MANBA: variants seen among roughly 807,000 people sequenced by gnomAD.
MANBA encodes beta-mannosidase.
In MANBA, 83 loss-of-function variants were observed where a neutral mutation model predicts 111.1. The ratio of observed to expected loss-of-function variants is 0.75; its 90% confidence interval spans 0.63 to 0.90. The LOEUF is 0.90. MANBA is among the 40% of genes least tolerant of loss of function. The pLI is 0.00. For missense variants in MANBA, 1,036 were observed against 1,069.0 expected (o/e 0.97, Z 0.43); for synonymous variants, 370 against 378.7 (o/e 0.98, Z 0.27).
rs112667441 is a variant in MANBA at position 102,743,747 on chromosome 4, T to C, written c.177+16971A>G. On this transcript the variant is annotated intron_variant, in intron 1 of 16. Coordinates refer to ENST00000647097, the MANE Select transcript of MANBA (RefSeq NM_005908.4). ...GGGTCAGAAAGCACCCACTTCATGA[T>C]AGGCAGTTCAGGTCACACAGTGACT... 8.5e-3 allele frequency among the ~76,000 whole-genome samples: 1,291 copies of C among 152,302 alleles called. 24 individuals carry two copies. The highest frequency in any genetic ancestry group is 0.029 in the African/African-American group (1,222 of 41,552).
chr4:102,672,208 G>T, intron 8 of MANBA: 1 of 397,306 alleles, frequency 2.5e-6, no homozygotes, highest in Non-Finnish European at 4.4e-6. Flanking sequence ...AAAAAATCAG[G>T]GTTTAGTTAC....
chr4:102,753,396 G>T (rs891844647), intron 1 of MANBA, among the ~76,000 whole-genome samples: 4 of 151,772 alleles, frequency 2.6e-5, no homozygotes, highest in Admixed American at 2.0e-4. Flanking sequence ...ATTTTTAAAA[G>T]AATTTTAATC....
chr4:102,700,344 G>A (rs1343114135), intron 5 of MANBA, among the ~76,000 whole-genome samples: 1 of 151,372 alleles, frequency 6.6e-6, no homozygotes, highest in African/African-American at 2.4e-5. Context: ...AGGGTTTTTT[G>A]TGTCTCTATT....
intron 4 of MANBA, among the ~76,000 whole-genome samples, chr4:102,716,512 A>G (rs1277590691): frequency 6.6e-6 from 1 of 152,102 alleles, no homozygotes; most frequent in Non-Finnish European, 1.5e-5. Context: ...ATTTTATCCA[A>G]TCTTATTTGA....
At position 102,673,688 on chromosome 4, in the gene MANBA, C is replaced by T. The variant is rs748587877; in HGVS notation, c.1112+231G>A. On this transcript the variant is annotated intron_variant, in intron 8 of 16. Coordinates refer to ENST00000647097, the MANE Select transcript of MANBA (RefSeq NM_005908.4). ...AAACATATAATAGTTTTCTAAAAAT[C>T]GAATGGCTTCAACAGTCTCAAATAG... Among the ~76,000 whole-genome samples the T allele has an allele frequency of 5.6e-4, 85 of 152,106 alleles. 3 individuals carry two copies. The highest frequency in any genetic ancestry group is 1.2e-4 in the Non-Finnish European group (8 of 68,012).
At position 102,668,911 on chromosome 4, in the gene MANBA, A is replaced by C. The variant is rs367631650; in HGVS notation, c.1317+52T>G. ...ATGAAGCAAGATTTAACAAAAGGCA[A>C]TACTAAAACATATTATTTGTTTTAT... On this transcript the variant is annotated intron_variant, in intron 10 of 16. Coordinates refer to ENST00000647097, the MANE Select transcript of MANBA (RefSeq NM_005908.4). 1.5e-5 allele frequency: 21 copies of C among 1,414,676 alleles called. No homozygotes were observed. In the African/African-American group the frequency reaches 2.8e-4, roughly 19 times the overall value. 87.6% of individuals were successfully genotyped at this position (1,414,676 alleles called of 1,614,324 possible).
intron 6 of MANBA, 62 bp downstream of exon 6, chr4:102,690,534 T>C (rs1732425506): frequency 4.0e-6 from 6 of 1,489,638 alleles, no homozygotes; most frequent in Non-Finnish European, 5.6e-6. Flanking sequence ...TCCTTTCTAA[T>C]CATTTCTTTA....
At chr4:102,697,734 C>A (rs1404643229) in intron 5 of MANBA, among the ~76,000 whole-genome samples, 1 of 150,842 alleles carries the variant, frequency 6.6e-6, no homozygotes, top group Non-Finnish European at 1.5e-5. Flanking sequence ...ATATGTGCCA[C>A]ATTTTCTTAA....
intron 4 of MANBA, among the ~76,000 whole-genome samples, chr4:102,721,506 G>C (rs1238136584): frequency 2.6e-5 from 4 of 152,062 alleles, no homozygotes; most frequent in African/African-American, 7.2e-5. Flanking sequence ...ATAGTCAAAA[G>C]GTGGAAGCAA....
chr4:102,696,954 G>A (rs543527489), intron 5 of MANBA, among the ~76,000 whole-genome samples: 17 of 152,232 alleles, frequency 1.1e-4, no homozygotes, highest in East Asian at 5.8e-4. Context: ...TAACCATTGC[G>A]TTAGCCAAAA....
chr4:102,635,793 A>T lies in MANBA; in HGVS notation c.2157+72T>A, dbSNP rs1179433612. On this transcript the variant is annotated intron_variant, in intron 15 of 16. Transcript: ENST00000647097. ...AATTTCTCTTTTATTTTCCCAAAAG[A>T]ATGTAACCAAACAACTAAAGAAATC... is the stretch of plus-strand genomic sequence containing the variant. 7 of 1,462,070 alleles carry T rather than the reference A, an allele frequency of 4.8e-6. No homozygotes were observed. The East Asian group carries it at 1.6e-4, about 33-fold the overall frequency. The allele number at this position is 1,462,070 out of a possible 1,614,324, so 90.6% of individuals were successfully genotyped here.
rs1408702442 is a variant in MANBA, at chr4:102,709,515, A to G, written c.673+4923T>C. On this transcript the variant is annotated intron_variant, in intron 5 of 16. Coordinates refer to ENST00000647097, the MANE Select transcript of MANBA (RefSeq NM_005908.4). ...ACTGAATCAGCAATAAAATCTTCCA[A>G]CAGAAAAAAATCCAGGACTGGATGC... Among the ~76,000 whole-genome samples, 3 of 152,298 alleles carry G rather than the reference A, an allele frequency of 2.0e-5. No homozygotes were observed. In the East Asian group the frequency reaches 5.8e-4, roughly 29 times the overall value.
intron 10 of MANBA, 60 bp downstream of exon 10, chr4:102,668,902 CA>C (rs1731352430): frequency 7.3e-7 from 1 of 1,375,424 alleles, no homozygotes. Context: ...CAAGATTTAA[CA>C]AAAGGCAATA....
chr4:102,671,482 A>C (rs1731496348), intron 8 of MANBA, 84 bp from the exon 9 acceptor site: 1 of 793,436 alleles, frequency 1.3e-6, no homozygotes, highest in African/African-American at 1.7e-5. Flanking sequence ...AATCTGTTAG[A>C]AAAACACACT....
At chr4:102,741,456 G>T (rs1362541781) in intron 1 of MANBA, among the ~76,000 whole-genome samples, 1 of 152,126 alleles carries the variant, frequency 6.6e-6, no homozygotes, top group Non-Finnish European at 1.5e-5. Flanking sequence ...CAGAGGAAAA[G>T]AAGTGATAAT....
intron 1 of MANBA, among the ~76,000 whole-genome samples, chr4:102,755,382 A>G (rs1723970806): frequency 6.6e-6 from 1 of 152,246 alleles, no homozygotes; most frequent in African/African-American, 2.4e-5. Flanking sequence ...AGGATTCCCT[A>G]TTTAATAAAT....
chr4:102,726,777 T>C, intron 1 of MANBA, 94 bp from the exon 2 acceptor site: 1 of 736,668 alleles, frequency 1.4e-6, no homozygotes, highest in Non-Finnish European at 2.4e-6. Context: ...CAACAGCTAT[T>C]TATCACCTAA....
At chr4:102,681,971 C>G (rs1425458886) in intron 7 of MANBA, among the ~76,000 whole-genome samples, 1 of 151,474 alleles carries the variant, frequency 6.6e-6, no homozygotes, top group Non-Finnish European at 1.5e-5. Context: ...CATGGAGAAA[C>G]CCCCATCTCT....
rs529032384 is a variant in MANBA, at chr4:102,674,464, A to T, written c.961-394T>A. ...TCTCATTTCAGTGTTGTTAAAAGGT[A>T]GCCAAACATGCATCTTAGAATCAAA... On this transcript the variant is annotated intron_variant, in intron 7 of 16. Transcript: ENST00000647097. Among the ~76,000 whole-genome samples the T allele has an allele frequency of 4.6e-5, 7 of 152,378 alleles. No individual in the cohort carries two copies. The East Asian group carries it at 9.6e-4, about 21-fold the overall frequency.
Sources: allele counts gnomAD v4.1 joint callset (sites outside exome capture counted in the v4.1 genomes callset), GRCh38; gene constraint gnomAD v4.1.1; transcripts MANE v1.5; gene names NCBI Gene and HGNC (gene_info 2026-07-23, HGNC 2026-07-21).